Variants in SEZ6L observed in about 807,000 individuals in gnomAD.
The protein encoded by SEZ6L is seizure 6-like protein.
Under a neutral mutation model 106.2 loss-of-function variants are expected in SEZ6L, and 37 were observed. The observed-to-expected ratio is 0.35, with a 90% CI of 0.27 to 0.46. The LOEUF (loss-of-function observed/expected upper bound fraction) is 0.46, where lower values mean the gene tolerates loss of function less well. SEZ6L is among the 20% of genes least tolerant of loss of function. The probability of loss-of-function intolerance (pLI) is 1.00; values close to 1 mark genes in which losing one functional copy is unlikely to be tolerated. For synonymous variants in SEZ6L, 541 were observed against 570.4 expected (o/e 0.95, Z 0.73); for missense variants, 1,172 against 1,332.8 (o/e 0.88, Z 1.88).
At chr22:26,260,416 C>A (rs1414972712) in intron 1 of SEZ6L, among the ~76,000 whole-genome samples, 1 of 152,112 alleles carries the variant, frequency 6.6e-6, no homozygotes, top group Non-Finnish European at 1.5e-5. Flanking sequence ...AGTTACTATG[C>A]TTAGAATAAT....
chr22:26,358,857 C>T (rs55701136), intron 12 of SEZ6L, among the ~76,000 whole-genome samples: 106 of 152,236 alleles, frequency 7.0e-4, no homozygotes, highest in Non-Finnish European at 1.3e-3. Context: ...AGGTCAGGGC[C>T]CAGGATGCTG....
chr22:26,335,102 T>G (rs998213751), intron 9 of SEZ6L, among the ~76,000 whole-genome samples: 1 of 152,186 alleles, frequency 6.6e-6, no homozygotes, highest in East Asian at 1.9e-4. Context: ...CCAGGGATGC[T>G]AGATGCACTT....
At position 26,370,911 on chromosome 22, in the gene SEZ6L, G is replaced by A. The variant is rs542136278; in HGVS notation, c.2795-2540G>A. On this transcript the variant is annotated intron_variant, in intron 13 of 16. Coordinates refer to ENST00000248933, the MANE Select transcript of SEZ6L (RefSeq NM_021115.5). ...CCCAACTACTTGGGAAGCTGAGGCAGGAGCACTGCTTGAGCCCAGGAGGTT... is the reference window on the plus strand; with the variant it reads ...CCCAACTACTTGGGAAGCTGAGGCAAGAGCACTGCTTGAGCCCAGGAGGTT... 5.5e-4 allele frequency among the ~76,000 whole-genome samples: 83 copies of A among 151,374 alleles called. 1 individual carries two copies. The South Asian group carries it at 0.017, about 30-fold the overall frequency.
At chr22:26,244,394 G>T (rs1343363860) in intron 1 of SEZ6L, 6 of 152,394 alleles carry the variant, frequency 3.9e-5, no homozygotes, top group Admixed American at 3.9e-4. Context: ...ACTGGGGAGA[G>T]GGAGGGCACA....
intron 12 of SEZ6L, among the ~76,000 whole-genome samples, chr22:26,362,268 C>G (rs2083660318): frequency 6.6e-6 from 1 of 152,220 alleles, no homozygotes; most frequent in South Asian, 2.1e-4. Context: ...CCATCCTGCT[C>G]TGGAATGCCA....
chr22:26,238,576 T>C (rs1420944091), intron 1 of SEZ6L, among the ~76,000 whole-genome samples: 2 of 152,160 alleles, frequency 1.3e-5, no homozygotes, highest in Non-Finnish European at 1.5e-5. Context: ...ATAAAGAAAG[T>C]ACATAAATAA....
intron 1 of SEZ6L, among the ~76,000 whole-genome samples, chr22:26,285,008 G>C (rs912792905): frequency 6.6e-6 from 1 of 152,116 alleles, no homozygotes; most frequent in Non-Finnish European, 1.5e-5. Flanking sequence ...ACTCTATGGA[G>C]TATAAATCGC....
At chr22:26,192,513 A>T (rs960279145) in intron 1 of SEZ6L, among the ~76,000 whole-genome samples, 13 of 152,234 alleles carry the variant, frequency 8.5e-5, no homozygotes, top group African/African-American at 3.1e-4. Context: ...TAACTCATCA[A>T]CTTTTTTCAA....
At position 26,254,085 on chromosome 22, in the gene SEZ6L, C is replaced by A. The variant is rs193222604; in HGVS notation, c.95-38321C>A. 97 of 152,314 alleles carry A rather than the reference C, an allele frequency of 6.4e-4. 1 individual carries two copies. In the East Asian group the frequency reaches 0.016, roughly 25 times the overall value. 9.4% of individuals were successfully genotyped at this position (152,314 alleles called of 1,614,324 possible). ...GACCACATTACACCAACTAAATTAG[C>A]TTAGAATGTTTAAACCAATAACACT... On this transcript the variant is annotated intron_variant, in intron 1 of 16. Coordinates refer to ENST00000248933, the MANE Select transcript of SEZ6L (RefSeq NM_021115.5).
chr22:26,282,483 A>G (rs533565888), intron 1 of SEZ6L, among the ~76,000 whole-genome samples: 1 of 152,186 alleles, frequency 6.6e-6, no homozygotes, highest in East Asian at 1.9e-4. Flanking sequence ...CCTAGCCCTC[A>G]TTTACCATGG....
chr22:26,276,529 T>A (rs1261719194), intron 1 of SEZ6L, among the ~76,000 whole-genome samples: 1 of 152,256 alleles, frequency 6.6e-6, no homozygotes, highest in Non-Finnish European at 1.5e-5. Context: ...ACTGGATTCA[T>A]TTCCAAGTAT....
chr22:26,182,899 T>TCCTCTA (rs1939506662), intron 1 of SEZ6L, among the ~76,000 whole-genome samples: 1 of 152,084 alleles, frequency 6.6e-6, no homozygotes, highest in African/African-American at 2.4e-5. Flanking sequence ...CACATGGGCG[T>TCCTCTA]GGCCTGTCTG....
intron 14 of SEZ6L, among the ~76,000 whole-genome samples, chr22:26,374,396 T>C (rs1255368807): frequency 6.6e-6 from 1 of 152,106 alleles, no homozygotes; most frequent in Non-Finnish European, 1.5e-5. Context: ...TGGCTGTTCC[T>C]TGTAACAGAC....
intron 1 of SEZ6L, among the ~76,000 whole-genome samples, chr22:26,221,740 G>GCGCACA (rs34300917): frequency 3.4e-4 from 51 of 149,396 alleles, no homozygotes; most frequent in Non-Finnish European, 6.2e-4. Flanking sequence ...GCACACGCGT[G>GCGCACA]CACACACACA....
intron 15 of SEZ6L, among the ~76,000 whole-genome samples, chr22:26,376,767 T>C (rs1019225790): frequency 6.6e-6 from 1 of 151,614 alleles, no homozygotes; most frequent in African/African-American, 2.4e-5. Context: ...AAGAAACCTA[T>C]GCAAATATGT....
rs147675419 is a variant in SEZ6L at position 26,244,163 on chromosome 22, A to AAAAGAAAGAAAGAAAG, written c.95-48235_95-48220dup. ...GGGTGACAAAGTGAGACCCTATCTCAAAAGAAAGAAAGAAAGAAAGAAAAG... is the reference window on the plus strand; with the variant it reads ...GGGTGACAAAGTGAGACCCTATCTCAAAAGAAAGAAAGAAAGAAAGAAAGAAAGAAAGAAAGAAAAG... On this transcript the variant is annotated intron_variant, in intron 1 of 16. Coordinates refer to ENST00000248933, the MANE Select transcript of SEZ6L (RefSeq NM_021115.5). Among the ~76,000 whole-genome samples, 1,254 of 149,596 alleles carry AAAAGAAAGAAAGAAAG rather than the reference A, an allele frequency of 8.4e-3. 11 individuals carry two copies. Among genetic ancestry groups the AAAAGAAAGAAAGAAAG allele is most frequent in the East Asian group, 0.04 (198 of 4,916 alleles).
At chr22:26,234,402 C>T (rs1342921362) in intron 1 of SEZ6L, among the ~76,000 whole-genome samples, 1 of 152,240 alleles carries the variant, frequency 6.6e-6, no homozygotes, top group Non-Finnish European at 1.5e-5. Context: ...CAGTGCATTC[C>T]CTCCCTAGCA....
At chr22:26,316,504 T>G (rs1311832850) in intron 9 of SEZ6L, among the ~76,000 whole-genome samples, 2 of 151,478 alleles carry the variant, frequency 1.3e-5, no homozygotes, top group African/African-American at 4.9e-5. Context: ...TATAATAGCA[T>G]GAAAGAGAAG....
intron 13 of SEZ6L, among the ~76,000 whole-genome samples, chr22:26,371,807 A>C (rs1160505586): frequency 6.6e-6 from 1 of 152,140 alleles, no homozygotes; most frequent in Non-Finnish European, 1.5e-5. Flanking sequence ...CTGTGATGGA[A>C]TTGCTAGCAA....
Sources: gnomAD v4.1 joint callset for allele counts (sites outside exome capture counted in the v4.1 genomes callset) on GRCh38, gnomAD v4.1.1 for gene constraint, MANE v1.5 for transcripts, NCBI Gene and HGNC (gene_info 2026-07-23, HGNC 2026-07-21) for gene names.